SMURF1: variants seen among roughly 807,000 people sequenced by gnomAD.
SMURF1 encodes the protein E3 ubiquitin-protein ligase SMURF1.
SMURF1 carries 44 observed loss-of-function variants against 98.0 expected under a neutral mutation model. The ratio of observed to expected loss-of-function variants is 0.45; its 90% CI spans 0.35 to 0.58. The LOEUF (loss-of-function observed/expected upper bound fraction) is 0.58, where lower values mean the gene tolerates loss of function less well. Among genes scored for constraint, SMURF1 ranks in the 20% least tolerant of loss-of-function variants. The probability of loss-of-function intolerance (pLI) is 0.00; values close to 1 mark genes in which losing one functional copy is unlikely to be tolerated. For synonymous variants in SMURF1, 396 were observed against 374.9 expected (o/e 1.06, Z -0.65); for missense variants, 687 against 938.4 (o/e 0.73, Z 3.50).
At chr7:99,056,745 G>A (rs1018737724) in intron 5 of SMURF1, among the ~76,000 whole-genome samples, 2 of 152,162 alleles carry the variant, frequency 1.3e-5, no homozygotes, top group East Asian at 1.9e-4. Context: ...GCTCACGCCT[G>A]TAAGCCCAGC....
chr7:99,054,582 A>C (rs1795836447), intron 6 of SMURF1, among the ~76,000 whole-genome samples: 1 of 152,176 alleles, frequency 6.6e-6, no homozygotes, highest in Non-Finnish European at 1.5e-5. Flanking sequence ...CTGGGATTAT[A>C]AGCGTGAGCC....
chr7:99,059,074 ACT>A (rs1462249350), intron 3 of SMURF1, among the ~76,000 whole-genome samples: 1 of 151,188 alleles, frequency 6.6e-6, no homozygotes. Context: ...ACAGAGCGAG[ACT>A]CTGTTTGAAA....
At chr7:99,041,873 T>TCAGCTCA (rs2150511209) in intron 12 of SMURF1, among the ~76,000 whole-genome samples, 1 of 152,346 alleles carries the variant, frequency 6.6e-6, no homozygotes, top group African/African-American at 2.4e-5. Flanking sequence ...AGTGTGAGTG[T>TCAGCTCA]ATGAACAGCT....
chr7:99,042,866 A>C (rs1483609752), intron 11 of SMURF1, among the ~76,000 whole-genome samples: 2 of 152,242 alleles, frequency 1.3e-5, no homozygotes, highest in African/African-American at 4.8e-5. Context: ...ATGAGAGCGA[A>C]TAGGGAAGGA....
chr7:99,090,220 C>A (rs1022145571), intron 1 of SMURF1, among the ~76,000 whole-genome samples: 1 of 152,146 alleles, frequency 6.6e-6, no homozygotes, highest in African/African-American at 2.4e-5. Flanking sequence ...TGATCCGGGG[C>A]ACTGGGTGCA....
intron 1 of SMURF1, among the ~76,000 whole-genome samples, chr7:99,133,161 G>A (rs998462252): frequency 3.3e-5 from 5 of 152,154 alleles, no homozygotes; most frequent in Admixed American, 2.0e-4. Flanking sequence ...ATCTGACTAA[G>A]CTCTGGATTG....
chr7:99,059,944 T>G (rs1227420697), intron 3 of SMURF1, among the ~76,000 whole-genome samples: 2 of 150,948 alleles, frequency 1.3e-5, no homozygotes, highest in Non-Finnish European at 3.0e-5. Context: ...AGGTAGAAAC[T>G]ACAACTAGGT....
chr7:99,065,743 G>A (rs183128928), intron 1 of SMURF1, among the ~76,000 whole-genome samples: 11 of 152,168 alleles, frequency 7.2e-5, no homozygotes, highest in Admixed American at 6.5e-4. Context: ...GACCTTACCA[G>A]CCCCCATCAA....
intron 1 of SMURF1, among the ~76,000 whole-genome samples, chr7:99,078,267 A>G (rs938839098): frequency 7.0e-6 from 1 of 143,758 alleles, no homozygotes; most frequent in Non-Finnish European, 1.5e-5. Flanking sequence ...ATACCAGTGC[A>G]CTCCAGCCTG....
At chr7:99,066,748 C>T (rs1796202913) in intron 1 of SMURF1, among the ~76,000 whole-genome samples, 1 of 149,322 alleles carries the variant, frequency 6.7e-6, no homozygotes, top group Non-Finnish European at 1.5e-5. Flanking sequence ...CACTGCACTC[C>T]AGCCTGGGTG....
At chr7:99,050,923 A>G in intron 8 of SMURF1, 1 of 1,550,272 alleles carries the variant, frequency 6.5e-7, no homozygotes. Flanking sequence ...ACCTGGGCTC[A>G]GATGTATGGC....
chr7:99,094,885 G>C (rs1189728785), intron 1 of SMURF1, among the ~76,000 whole-genome samples: 1 of 152,122 alleles, frequency 6.6e-6, no homozygotes, highest in Non-Finnish European at 1.5e-5. Flanking sequence ...CCACTCCCCA[G>C]ACAGCGCACC....
At position 99,042,222 on chromosome 7, in the gene SMURF1, A is replaced by AT; in HGVS notation, c.1266_1267insA (p.Tyr423IlefsTer6). 2 of 1,612,308 alleles carry AT rather than the reference A, an allele frequency of 1.2e-6. No individual in the cohort carries two copies. The highest frequency in any genetic ancestry group is 1.7e-6 in the Non-Finnish European group (2 of 1,179,118). ...TTCAGCATTTCATGGCACAGCAAGT[A>AT]AAGCCACTCCCTGGGAGCAAACAAC... On this transcript the variant is annotated frameshift_variant, in exon 12 of 18. Coordinates refer to ENST00000361368, the MANE Select transcript of SMURF1 (RefSeq NM_181349.3). LOFTEE classifies it high-confidence loss of function.
chr7:99,053,292 C>A (rs963170005), intron 6 of SMURF1, among the ~76,000 whole-genome samples: 6 of 152,022 alleles, frequency 3.9e-5, no homozygotes, highest in Non-Finnish European at 8.8e-5. Context: ...AAATGAGAGA[C>A]CAGTACAATG....
At chr7:99,102,020 C>A (rs998532917) in intron 1 of SMURF1, among the ~76,000 whole-genome samples, 1 of 151,712 alleles carries the variant, frequency 6.6e-6, no homozygotes, top group African/African-American at 2.4e-5. Flanking sequence ...CATTCAAAGA[C>A]TTTTAATGTG....
chr7:99,116,980 C>T (rs1303820281), intron 1 of SMURF1, among the ~76,000 whole-genome samples: 1 of 152,112 alleles, frequency 6.6e-6, no homozygotes, highest in Non-Finnish European at 1.5e-5. Context: ...CAGTGTGGTA[C>T]TGGCATAAGG....
chr7:99,073,374 T>C (rs889015631), intron 1 of SMURF1, among the ~76,000 whole-genome samples: 1 of 134,672 alleles, frequency 7.4e-6, no homozygotes, highest in Non-Finnish European at 1.6e-5. Flanking sequence ...TGAGACTCCA[T>C]CTCAAAAAAA....
chr7:99,088,281 A>C (rs1478873845), intron 1 of SMURF1, among the ~76,000 whole-genome samples: 1 of 151,576 alleles, frequency 6.6e-6, no homozygotes, highest in Non-Finnish European at 1.5e-5. Context: ...AATTAAAAAG[A>C]GTACAAACTC....
chr7:99,093,841 T>C (rs1186777613), intron 1 of SMURF1, among the ~76,000 whole-genome samples: 1 of 152,100 alleles, frequency 6.6e-6, no homozygotes, highest in Non-Finnish European at 1.5e-5. Context: ...ATAAGTAAAT[T>C]TGCTAAAACA....
Sources: allele counts gnomAD v4.1 joint callset (sites outside exome capture counted in the v4.1 genomes callset), GRCh38; gene constraint gnomAD v4.1.1; transcripts MANE v1.5; gene names NCBI Gene and HGNC (gene_info 2026-07-23, HGNC 2026-07-21).